NCOR2: variants seen among roughly 807,000 people sequenced by gnomAD.
The protein encoded by NCOR2 is CTG repeat protein 26.
In NCOR2, 81 loss-of-function variants were observed where a neutral mutation model predicts 262.9. The ratio of observed to expected loss-of-function variants is 0.31; its 90% CI spans 0.26 to 0.37. The LOEUF (loss-of-function observed/expected upper bound fraction) is 0.37, where lower values mean the gene tolerates loss of function less well. Ranked by LOEUF, NCOR2 falls within the 10% of genes least tolerant of loss-of-function variation. The pLI is 1.00. For missense variants in NCOR2, 3,385 were observed against 3,621.4 expected (o/e 0.93, Z 1.68); for synonymous variants, 1,659 against 1,559.3 (o/e 1.06, Z -1.51).
intron 22 of NCOR2, among the ~76,000 whole-genome samples, chr12:124,360,792 C>A (rs529476554): frequency 1.8e-4 from 27 of 146,352 alleles, no homozygotes; most frequent in African/African-American, 6.3e-4. Context: ...TGCGGGGCTG[C>A]TTCCCACTCC....
intron 38 of NCOR2, 29 bp downstream of exon 40, chr12:124,336,724 G>A (rs777641456): frequency 1.9e-6 from 3 of 1,610,098 alleles, no homozygotes. Context: ...TCGCGTCTAT[G>A]AAGGTGGCCG....
At chr12:124,356,752 C>A in exon 23 of NCOR2, 1 of 1,492,618 alleles carries the variant, frequency 6.7e-7, no homozygotes. Flanking sequence ...AGGGGGGTCC[C>A]CAGGCAGCTT....
At chr12:124,348,118 T>TC (rs1203449352) in intron 29 of NCOR2, 56 bp downstream of exon 31, 6 of 1,599,940 alleles carry the variant, frequency 3.8e-6, no homozygotes, top group Non-Finnish European at 5.1e-6. Context: ...GGGTCAGCCA[T>TC]CCCCCCACCG....
At chr12:124,557,628 C>A (rs1319771699) in intron 1 of NCOR2, among the ~76,000 whole-genome samples, 1 of 152,202 alleles carries the variant, frequency 6.6e-6, no homozygotes, top group African/African-American at 2.4e-5. Flanking sequence ...GAAGGTGGCA[C>A]AGGCACTGTC....
At chr12:124,325,379 C>CCCCCT (rs1566340361) in exon 47 of NCOR2, 1 of 316,868 alleles carries the variant, frequency 3.2e-6, no homozygotes, top group Non-Finnish European at 5.2e-6. Flanking sequence ...CTGACACCGC[C>CCCCCT]CCCCCCCCCG....
At chr12:124,407,916 G>A (rs1264855979) in intron 13 of NCOR2, among the ~76,000 whole-genome samples, 4 of 152,204 alleles carry the variant, frequency 2.6e-5, no homozygotes, top group East Asian at 1.9e-4. Flanking sequence ...GGTCAGAGCC[G>A]AGGCAGAACA....
chr12:124,501,784 GAAC>G (rs2136954209), intron 1 of NCOR2, among the ~76,000 whole-genome samples: 1 of 152,350 alleles, frequency 6.6e-6, no homozygotes, highest in Admixed American at 6.5e-5. Context: ...CCTTAAGGGA[GAAC>G]ACTACCTACT....
chr12:124,509,954 C>T (rs1006568781), intron 1 of NCOR2, among the ~76,000 whole-genome samples: 2 of 152,110 alleles, frequency 1.3e-5, no homozygotes, highest in Non-Finnish European at 2.9e-5. Context: ...GTCTGCTAGC[C>T]GCACCGCAGA....
chr12:124,357,900 GAT>G (rs751006600), intron 22 of NCOR2, among the ~76,000 whole-genome samples: 12 of 100,420 alleles, frequency 1.2e-4, no homozygotes, highest in South Asian at 6.6e-4. Flanking sequence ...GGTAACCTGT[GAT>G]ATGTGTGTGT....
chr12:124,334,500 G>C lies in NCOR2; in HGVS notation c.6529C>G (p.Pro2177Ala). ...GGGGGCGGGAGGTAGAGGTCACTGG[G>C]TGGGCGGCGGAGGTCCAGGACGGGG... Residue 2177 changes from proline to alanine, a missense_variant, in exon 41 of 47, where the codon CCC becomes GCC. Around this residue, in one of 5 missense-constraint regions of NCOR2, gnomAD observed 1,017 missense variants for 967.2 expected, o/e 1.05. Transcript: ENST00000405201. 2.8e-6 allele frequency: 4 copies of C among 1,449,690 alleles called. No homozygotes were observed. The South Asian group carries it at 4.4e-5, about 16-fold the overall frequency. The allele number at this position is 1,449,690 out of a possible 1,614,324, so 89.8% of individuals were successfully genotyped here.
intron 19 of NCOR2, among the ~76,000 whole-genome samples, chr12:124,373,965 G>A (rs796741983): frequency 5.9e-5 from 9 of 151,696 alleles, no homozygotes; most frequent in African/African-American, 1.2e-4. Flanking sequence ...CAGCAGGAGC[G>A]CGATCTGTGC....
intron 45 of NCOR2, 40 bp from the exon 48 acceptor site, chr12:124,326,410 T>G (rs1593055483): frequency 6.9e-7 from 1 of 1,458,878 alleles, no homozygotes; most frequent in Non-Finnish European, 9.0e-7. Context: ...CGTTGGGCAG[T>G]GAAGACAGCA....
chr12:124,382,064 T>C (rs2040450791), intron 17 of NCOR2, among the ~76,000 whole-genome samples: 1 of 152,188 alleles, frequency 6.6e-6, no homozygotes, highest in Non-Finnish European at 1.5e-5. Context: ...AAGGGTGACA[T>C]GTCTTCCTGT....
chr12:124,487,284 C>T (rs546057362), intron 1 of NCOR2, among the ~76,000 whole-genome samples: 4 of 152,318 alleles, frequency 2.6e-5, no homozygotes, highest in Middle Eastern at 3.4e-3. Context: ...CGACAGCCAG[C>T]GAGGCCCAAA....
Position 124,483,812 on chromosome 12 carries a change from G to C in NCOR2, c.234-39C>G. The stretch of plus-strand genomic sequence containing the variant: ...GGCATCCAACGTCACATAGGAGATT[G>C]CGGCTCTGAGAACTCCCGAGGCCCC... On this transcript the variant is annotated intron_variant, in intron 2 of 46. Coordinates refer to ENST00000405201, the Ensembl canonical transcript of NCOR2. The surrounding 1 kb of genome is among the most constrained non-coding windows in gnomAD (Gnocchi z 6.3). 6.5e-7 allele frequency: 1 copy of C among 1,527,624 alleles called. No homozygotes were observed. Among genetic ancestry groups the C allele is most frequent in the Non-Finnish European group, 8.8e-7 (1 of 1,136,270 alleles). The allele number at this position is 1,527,624 out of a possible 1,614,324, so 94.6% of individuals were successfully genotyped here.
chr12:124,533,288 C>G (rs997151675), intron 1 of NCOR2, among the ~76,000 whole-genome samples: 1 of 152,020 alleles, frequency 6.6e-6, no homozygotes, highest in South Asian at 2.1e-4. Flanking sequence ...CTCAGAATCG[C>G]GCAACCCGGG....
In NCOR2 at chr12:124,340,361, A is replaced by C. The variant is rs369485952; in HGVS notation, c.5421T>G (p.Asp1807Glu). 2.5e-6 allele frequency: 4 copies of C among 1,612,818 alleles called. No homozygotes were observed. The highest frequency in any genetic ancestry group is 1.7e-6 in the Non-Finnish European group (2 of 1,179,936). ...TGAGGATGGACTTTTCCCGCTCCCG[A>C]TCCCGGTCCCGCTCTCGATCCCGGT... is the stretch of plus-strand genomic sequence containing the variant. The change falls in exon 36 of 47, where the codon GAT becomes GAG. Residue 1807 changes from aspartate to glutamate, a missense_variant. Transcript: ENST00000405201.
At chr12:124,426,722 T>C in exon 11 of NCOR2, 1 of 1,611,138 alleles carries the variant, frequency 6.2e-7, no homozygotes, top group South Asian at 1.1e-5. Context: ...TTCATGTTGA[T>C]GAACTTGATG....
At chr12:124,497,625 C>T (rs555467551), upstream of NCOR2, among the ~76,000 whole-genome samples, 3 of 152,358 alleles carry the variant, frequency 2.0e-5, no homozygotes, top group South Asian at 4.1e-4. This position sits in a 1 kb window ranked among gnomAD's most constrained non-coding sequence, Gnocchi z 4.2. Flanking sequence ...GAATCACAAA[C>T]GCACTCCCAC....
Sources: gnomAD v4.1 joint callset for allele counts (sites outside exome capture counted in the v4.1 genomes callset) on GRCh38, gnomAD v4.1.1 for gene constraint, gnomAD v4.1.1 regional missense constraint, Gnocchi (gnomAD v3.1) non-coding constraint, MANE v1.5 for transcripts, NCBI Gene and HGNC (gene_info 2026-07-23, HGNC 2026-07-21) for gene names.